NUBPL: variants seen among roughly 807,000 people sequenced by gnomAD.
NUBPL encodes the protein NUBP iron-sulfur cluster assembly factor, mitochondrial, also known as iron-sulfur cluster transfer protein NUBPL.
In NUBPL, 31 loss-of-function variants were observed where a neutral mutation model predicts 45.7. The observed-to-expected ratio is 0.68, with a 90% CI of 0.51 to 0.92. NUBPL has a LOEUF of 0.92. NUBPL is among the 40% of genes least tolerant of loss of function. NUBPL has a pLI of 0.00. For synonymous variants in NUBPL, 144 were observed against 140.9 expected (o/e 1.02, Z -0.15); for missense variants, 401 against 398.7 (o/e 1.01, Z -0.05).
intron 4 of NUBPL, among the ~76,000 whole-genome samples, chr14:31,605,743 T>TC (rs2034569346): frequency 6.6e-6 from 1 of 151,570 alleles, no homozygotes; most frequent in Non-Finnish European, 1.5e-5. Context: ...TTCTTCTTCT[T>TC]CTTCCTTCCT....
intron 4 of NUBPL, among the ~76,000 whole-genome samples, chr14:31,661,465 C>T (rs1595453536): frequency 6.6e-6 from 1 of 152,352 alleles, no homozygotes; most frequent in South Asian, 2.1e-4. Flanking sequence ...TACCTGTAAT[C>T]ATGAGTTGTT....
intron 7 of NUBPL, among the ~76,000 whole-genome samples, chr14:31,793,828 C>CTTTTTT (rs55698198): frequency 1.4e-4 from 18 of 127,576 alleles, no homozygotes; most frequent in East Asian, 6.7e-4. Flanking sequence ...CCTTATCTTT[C>CTTTTTT]TTTTTTTTTT....
rs146761521 is a variant in NUBPL, at chr14:31,604,928, G to C, written c.382+5549G>C. Reference sequence around the variant, plus strand: ...GTTATCATGCAAAATTATGGTAGTGGAAAATCTAGCCAGTTTGTAGAAAGG... The same window carrying C: ...GTTATCATGCAAAATTATGGTAGTGCAAAATCTAGCCAGTTTGTAGAAAGG... On this transcript the variant is annotated intron_variant, in intron 4 of 10. Coordinates refer to ENST00000281081, the MANE Select transcript of NUBPL (RefSeq NM_025152.3). Among the ~76,000 whole-genome samples the C allele has an allele frequency of 8.4e-3, 1,283 of 152,244 alleles. 6 individuals are homozygous for C. The highest frequency in any genetic ancestry group is 0.011 in the Non-Finnish European group (769 of 68,014).
At chr14:31,717,690 G>A (rs1024303520) in intron 6 of NUBPL, among the ~76,000 whole-genome samples, 1 of 151,854 alleles carries the variant, frequency 6.6e-6, no homozygotes, top group Non-Finnish European at 1.5e-5. Flanking sequence ...CCCCAAGCCT[G>A]TTCCTTAGCT....
At position 31,826,649 on chromosome 14, in the gene NUBPL, C is replaced by T; in HGVS notation, c.628C>T (p.Pro210Ser). The T allele has an allele frequency of 1.9e-6, 3 of 1,614,076 alleles. No homozygotes were observed. The highest frequency in any genetic ancestry group is 2.2e-5 in the South Asian group (2 of 91,086). The change falls in exon 8 of 11, where the codon CCC becomes TCC. Residue 210 changes from proline (P) to serine (S), a missense_variant. Physicochemically the swap from Pro to Ser is moderately conservative, Grantham distance 74. Transcript: ENST00000281081. ...GCTAGGTGCTGTGATTGTCTCCACG[C>T]CCCAGGACATCGCATTGATGGATGC... is the stretch of plus-strand genomic sequence containing the variant. ...PITGAVIVST[P>S]QDIALMDAHK...
chr14:31,653,479 T>C (rs187822988), intron 4 of NUBPL, among the ~76,000 whole-genome samples: 12 of 152,358 alleles, frequency 7.9e-5, no homozygotes, highest in African/African-American at 2.6e-4. Context: ...ATATCTCTCC[T>C]ACTTGCAGGT....
intron 3 of NUBPL, among the ~76,000 whole-genome samples, chr14:31,582,427 A>G (rs2139498672): frequency 7.1e-6 from 1 of 141,340 alleles, no homozygotes; most frequent in South Asian, 2.2e-4. Context: ...CTTTTTAGTT[A>G]GACTACTGGT....
chr14:31,751,818 G>T (rs12886367), intron 6 of NUBPL, among the ~76,000 whole-genome samples: 69,501 of 151,998 alleles, frequency 0.46, 17,055 homozygotes, highest in African/African-American at 0.65. Flanking sequence ...TTTCCATTAG[G>T]GCTCCACCCT....
intron 4 of NUBPL, among the ~76,000 whole-genome samples, chr14:31,621,123 G>T (rs1035245138): frequency 6.6e-6 from 1 of 152,184 alleles, no homozygotes; most frequent in Non-Finnish European, 1.5e-5. Flanking sequence ...AATGGCAGAT[G>T]CTCCTCCCCC....
intron 6 of NUBPL, among the ~76,000 whole-genome samples, chr14:31,721,975 T>A (rs925728022): frequency 6.6e-6 from 1 of 152,136 alleles, no homozygotes; most frequent in Non-Finnish European, 1.5e-5. Context: ...TGCATAGTAT[T>A]CCATGGTGTA....
intron 7 of NUBPL, among the ~76,000 whole-genome samples, chr14:31,799,439 A>T (rs1338674913): frequency 6.6e-6 from 1 of 152,102 alleles, no homozygotes; most frequent in Non-Finnish European, 1.5e-5. Context: ...TTAATTAGCA[A>T]CTCTTTGTAT....
At chr14:31,769,081 T>C (rs2038962820) in intron 6 of NUBPL, among the ~76,000 whole-genome samples, 1 of 152,212 alleles carries the variant, frequency 6.6e-6, no homozygotes, top group Non-Finnish European at 1.5e-5. Context: ...TTAGGAATTC[T>C]CATTGGTTTA....
intron 6 of NUBPL, among the ~76,000 whole-genome samples, chr14:31,729,286 C>T (rs865851709): frequency 6.8e-6 from 1 of 146,376 alleles, no homozygotes. Context: ...CCCCCCCCCC[C>T]CCAAAAAAAA....
chr14:31,819,193 T>C (rs1282429740), intron 7 of NUBPL, among the ~76,000 whole-genome samples: 3 of 152,168 alleles, frequency 2.0e-5, no homozygotes, highest in African/African-American at 7.2e-5. Context: ...CCAATCTACT[T>C]TATAGTTAAT....
chr14:31,574,642 G>C (rs1029240388), intron 3 of NUBPL, among the ~76,000 whole-genome samples: 2 of 132,548 alleles, frequency 1.5e-5, no homozygotes, highest in African/African-American at 2.9e-5. Flanking sequence ...CCAGGCTGGA[G>C]TGCAGTGGCC....
At chr14:31,605,712 TTTC>T (rs958579843) in intron 4 of NUBPL, among the ~76,000 whole-genome samples, 28 of 152,000 alleles carry the variant, frequency 1.8e-4, no homozygotes, top group African/African-American at 6.5e-4. Flanking sequence ...TTCTTTCTTC[TTTC>T]TTCTTCTTTC....
chr14:31,822,679 A>G (rs963074728), intron 7 of NUBPL, among the ~76,000 whole-genome samples: 2 of 152,134 alleles, frequency 1.3e-5, no homozygotes, highest in African/African-American at 2.4e-5. Flanking sequence ...AAAATACCCC[A>G]TATATTTCTA....
At chr14:31,690,601 G>GA (rs908694575) in intron 6 of NUBPL, among the ~76,000 whole-genome samples, 1 of 152,140 alleles carries the variant, frequency 6.6e-6, no homozygotes, top group Non-Finnish European at 1.5e-5. Context: ...CCCTGGTAGA[G>GA]AAAAAATCAT....
chr14:31,722,349 C>T (rs766507269), intron 6 of NUBPL, among the ~76,000 whole-genome samples: 7 of 152,122 alleles, frequency 4.6e-5, no homozygotes, highest in Non-Finnish European at 8.8e-5. Flanking sequence ...CATTGAAGCG[C>T]ATTTAGGTTG....
Sources: gnomAD v4.1 joint callset for allele counts (sites outside exome capture counted in the v4.1 genomes callset) on GRCh38, gnomAD v4.1.1 for gene constraint, MANE v1.5 for transcripts, NCBI Gene and HGNC (gene_info 2026-07-23, HGNC 2026-07-21) for gene names.